SLC1A4: variants seen among roughly 807,000 people sequenced by gnomAD.
SLC1A4 encodes the protein neutral amino acid transporter A.
SLC1A4 carries 19 observed loss-of-function variants against 37.7 expected under a neutral mutation model. The observed-to-expected ratio is 0.50, with a 90% CI of 0.35 to 0.74. The LOEUF is 0.74. Ranked by LOEUF, SLC1A4 falls within the 30% of genes least tolerant of loss-of-function variation. The probability of loss-of-function intolerance (pLI) is 0.01; values close to 1 mark genes in which losing one functional copy is unlikely to be tolerated. For missense variants in SLC1A4, 570 were observed against 712.9 expected (o/e 0.80, Z 2.28); for synonymous variants, 299 against 309.8 (o/e 0.97, Z 0.37).
In SLC1A4 at chr2:65,020,958, G is replaced by A. The variant is rs1421965399; in HGVS notation, c.1411G>A (p.Ala471Thr). ...GAATGTGGAAGGGGATGCCCTGGGT[G>A]CAGGCATTCTCCACCACCTGAATCA... ...VVNVEGDALG[A>T]GILHHLNQKA... The change falls in exon 8 of 8, where the codon GCA (alanine) becomes ACA (threonine). Residue 471 changes from alanine to threonine, a missense_variant. By Grantham distance (58) the Ala-to-Thr change is moderately conservative. Coordinates refer to ENST00000234256, the MANE Select transcript of SLC1A4 (RefSeq NM_003038.5). The A allele has an allele frequency of 6.2e-7, 1 of 1,614,102 alleles. No homozygotes were observed. The highest frequency in any genetic ancestry group is 1.3e-5 in the African/African-American group (1 of 74,934).
At chr2:65,009,151 G>A (rs1291425933) in intron 3 of SLC1A4, among the ~76,000 whole-genome samples, 3 of 152,270 alleles carry the variant, frequency 2.0e-5, no homozygotes, top group Admixed American at 2.0e-4. Flanking sequence ...CCTGAGGTCG[G>A]GAGTTCCAGA....
At position 65,016,539 on chromosome 2, in the gene SLC1A4, A is replaced by G. The variant is rs1327746930; in HGVS notation, c.900A>G (p.Ala300=). ...LVTSLGKYIF[A]SILGHVIHGG... ...CCAGCCTGGGGAAATACATCTTCGCATCTATATTGGGCCATGTTATTCATG... is the reference window on the plus strand; with the variant it reads ...CCAGCCTGGGGAAATACATCTTCGCGTCTATATTGGGCCATGTTATTCATG... Residue 300 remains alanine (A), a synonymous_variant, in exon 5 of 8, where the codon GCA becomes GCG. Transcript: ENST00000234256. 1 of 1,614,042 alleles carries G rather than the reference A, an allele frequency of 6.2e-7. No individual in the cohort carries two copies. Among genetic ancestry groups the G allele is most frequent in the Non-Finnish European group, 8.5e-7 (1 of 1,180,004 alleles).
At chr2:65,016,316 G>C (rs1346635878) in intron 4 of SLC1A4, 124 bp from the exon 5 acceptor site, 4 of 765,134 alleles carry the variant, frequency 5.2e-6, no homozygotes, top group Non-Finnish European at 9.2e-6. Context: ...GGTTCCTCGG[G>C]GTTATCCTAG....
intron 1 of SLC1A4, among the ~76,000 whole-genome samples, chr2:64,994,571 T>C (rs1380653750): frequency 6.6e-6 from 1 of 152,200 alleles, no homozygotes; most frequent in African/African-American, 2.4e-5. Context: ...ATTTTCTTAA[T>C]AGCAAACCAT....
At chr2:65,004,086 T>C in intron 3 of SLC1A4, 71 bp downstream of exon 3, 3 of 1,323,098 alleles carry the variant, frequency 2.3e-6, no homozygotes, top group South Asian at 1.2e-5. Context: ...TGAAGGAGCA[T>C]ACAGGACGTG....
At chr2:65,017,512 T>C (rs1489094487) in intron 5 of SLC1A4, among the ~76,000 whole-genome samples, 2 of 150,786 alleles carry the variant, frequency 1.3e-5, no homozygotes, top group African/African-American at 4.9e-5. Context: ...AAAAAAAAAA[T>C]TAGGGAAGGA....
chr2:65,004,062 T>C (rs954766446), intron 3 of SLC1A4, 47 bp downstream of exon 3: 16 of 1,474,258 alleles, frequency 1.1e-5, no homozygotes, highest in African/African-American at 4.2e-5. Context: ...CTAAAACAAA[T>C]CTTATTTCTT....
intron 5 of SLC1A4, 91 bp downstream of exon 5, chr2:65,016,764 C>T (rs556510720): frequency 1.9e-5 from 16 of 828,244 alleles, no homozygotes; most frequent in African/African-American, 6.8e-5. Flanking sequence ...AGTGTCTTGA[C>T]ATACTTTAAT....
At chr2:65,014,020 GA>G (rs1674025778) in intron 4 of SLC1A4, among the ~76,000 whole-genome samples, 1 of 152,040 alleles carries the variant, frequency 6.6e-6, no homozygotes, top group Non-Finnish European at 1.5e-5. Flanking sequence ...TGACCAGGGA[GA>G]AAGGAAGAAA....
intron 3 of SLC1A4, among the ~76,000 whole-genome samples, chr2:65,007,365 A>T (rs1673722223): frequency 6.6e-6 from 1 of 151,838 alleles, no homozygotes. Flanking sequence ...CTATGGGGAG[A>T]TGTGGGGGAA....
At position 65,018,524 on chromosome 2, in the gene SLC1A4, C is replaced by A. The variant is rs368945630; in HGVS notation, c.1230-21C>A. On this transcript the variant is annotated intron_variant, in intron 6 of 7. Transcript: ENST00000234256. The surrounding 1 kb of genome is among the most constrained non-coding windows in gnomAD (Gnocchi z 4.3). ...CTCCACGCTCTATGTTAATGGCTGG[C>A]CCTGCTCTGCCATCCCTTAGAGTGA... is the stretch of plus-strand genomic sequence containing the variant. 6.2e-7 allele frequency: 1 copy of A among 1,611,836 alleles called. No individual in the cohort carries two copies. The highest frequency in any genetic ancestry group is 1.3e-5 in the African/African-American group (1 of 75,044).
rs1674437972 is a variant in SLC1A4 at position 65,021,794 on chromosome 2, C to T, written c.*648C>T. ...CTGGTCCACAGCCTTAGGTAAACAACTTAGATTCTGAGGTCAAAGAAAAAA... is the reference window on the plus strand; with the variant it reads ...CTGGTCCACAGCCTTAGGTAAACAATTTAGATTCTGAGGTCAAAGAAAAAA... On this transcript the variant is annotated 3_prime_UTR_variant, in exon 8 of 8. Coordinates refer to ENST00000234256, the MANE Select transcript of SLC1A4 (RefSeq NM_003038.5). 6.6e-6 allele frequency: 1 copy of T among 152,644 alleles called. No homozygotes were observed. The highest frequency in any genetic ancestry group is 2.4e-5 in the African/African-American group (1 of 41,452). 9.5% of individuals were successfully genotyped at this position (152,644 alleles called of 1,614,324 possible). A position where few individuals can be genotyped will look rare whatever the true frequency, so the allele number is the denominator to read the frequency against.
Position 65,013,746 on chromosome 2 carries a change from C to A in SLC1A4, c.801-2694C>A, listed in dbSNP as rs989219702. On this transcript the variant is annotated intron_variant, in intron 4 of 7. Transcript: ENST00000234256. ...GTATGGGAGGCATTGTCAGTATTACCGCTTTCTGCAATCTTTCTTTTACTA... is the reference window on the plus strand; with the variant it reads ...GTATGGGAGGCATTGTCAGTATTACAGCTTTCTGCAATCTTTCTTTTACTA... Among the ~76,000 whole-genome samples the A allele has an allele frequency of 3.3e-5, 5 of 152,114 alleles. No individual in the cohort carries two copies. The East Asian group carries it at 9.6e-4, about 29-fold the overall frequency.
rs551201420 is a variant in SLC1A4 at position 64,998,129 on chromosome 2, CG to C, written c.528-3316del. On this transcript the variant is annotated intron_variant, in intron 1 of 7. Transcript: ENST00000234256. Reference sequence around the variant, plus strand: ...GCGGGCGCCTGTAGTCCCAGCTACTCGGGAGACTGAGGCAGGACAATGGTGT... The same window carrying C: ...GCGGGCGCCTGTAGTCCCAGCTACTCGGAGACTGAGGCAGGACAATGGTGT... Among the ~76,000 whole-genome samples the C allele has an allele frequency of 3.9e-3, 596 of 152,138 alleles. 3 individuals carry two copies. The highest frequency in any genetic ancestry group is 5.0e-3 in the South Asian group (24 of 4,812).
At chr2:64,990,372 C>T (rs373777598) in intron 1 of SLC1A4, among the ~76,000 whole-genome samples, 1 of 152,282 alleles carries the variant, frequency 6.6e-6, no homozygotes, top group East Asian at 1.9e-4. Context: ...TGGGGCGCAC[C>T]GCACAATCGA....
upstream of SLC1A4, among the ~76,000 whole-genome samples, chr2:64,988,777 C>A (rs897379541): frequency 3.3e-5 from 5 of 152,166 alleles, no homozygotes; most frequent in African/African-American, 1.2e-4. Flanking sequence ...AGGGATCTTC[C>A]GCAGGAGGGG....
chr2:64,989,721 G>C lies in SLC1A4; in HGVS notation c.78G>C (p.Gly26=). 1 of 1,490,238 alleles carries C rather than the reference G, an allele frequency of 6.7e-7. No homozygotes were observed. Among genetic ancestry groups the C allele is most frequent in the Non-Finnish European group, 8.9e-7 (1 of 1,125,680 alleles). The allele number at this position is 1,490,238 out of a possible 1,614,324, so 92.3% of individuals were successfully genotyped here. Residue 26 remains glycine (G), a synonymous_variant, in exon 1 of 8, where the codon GGG becomes GGC. Coordinates refer to ENST00000234256, the MANE Select transcript of SLC1A4 (RefSeq NM_003038.5). ...CTGCGGCCGGGCCCGGAGCTCCGGG[G>C]ACCGCGGCGGGACGCGCACGGCGTT... ...AGPAAGPGAP[G]TAAGRARRCA... is the part of the protein sequence containing the mutation.
rs1295729426 is a variant in SLC1A4 at position 65,017,987 on chromosome 2, T to C, written c.1035-84T>C. On this transcript the variant is annotated intron_variant, in intron 5 of 7. Coordinates refer to ENST00000234256, the MANE Select transcript of SLC1A4 (RefSeq NM_003038.5). ...CAGAAACGAAGATGGTGCTAATTGC[T>C]CTGTTCTGGGGTCTGAGACAAGACA... 9 of 1,162,252 alleles carry C rather than the reference T, an allele frequency of 7.7e-6. No individual in the cohort carries two copies. The South Asian group carries it at 1.3e-4, about 17-fold the overall frequency. 72.0% of individuals were successfully genotyped at this position (1,162,252 alleles called of 1,614,324 possible).
Position 64,989,806 on chromosome 2 carries a change from G to A in SLC1A4, c.163G>A (p.Gly55Ser). ...GCTCACCGTGTCCGGGGTGCTGGCG[G>A]GCGCGGGCCTGGGCGCGGCGTTGCG... Reference protein sequence around the residue: ...VLLTVSGVLAGAGLGAALRGL... With the variant: ...VLLTVSGVLASAGLGAALRGL... Residue 55 changes from glycine (G) to serine (S), a missense_variant, in exon 1 of 8, where the codon GGC becomes AGC. Physicochemically the swap from Gly to Ser is moderately conservative, Grantham distance 56 (BLOSUM62 0). Transcript: ENST00000234256. 3.3e-6 allele frequency: 5 copies of A among 1,524,866 alleles called. No individual in the cohort carries two copies. In the South Asian group the frequency reaches 6.1e-5, roughly 19 times the overall value. 94.5% of individuals were successfully genotyped at this position (1,524,866 alleles called of 1,614,324 possible).
Sources: gnomAD v4.1 joint callset for allele counts (sites outside exome capture counted in the v4.1 genomes callset) on GRCh38, gnomAD v4.1.1 for gene constraint, Gnocchi (gnomAD v3.1) non-coding constraint, MANE v1.5 for transcripts, NCBI Gene and HGNC (gene_info 2026-07-23, HGNC 2026-07-21) for gene names.